Variants in DST observed in about 807,000 individuals in gnomAD.
DST encodes the protein dystonin, also known as bullous pemphigoid antigen.
In DST, 253 loss-of-function variants were observed where a neutral mutation model predicts 875.2. The ratio of observed to expected loss-of-function variants is 0.29; its 90% CI spans 0.26 to 0.32. The LOEUF (loss-of-function observed/expected upper bound fraction) is 0.32, where lower values mean the gene tolerates loss of function less well. Ranked by LOEUF, DST falls within the 10% of genes least tolerant of loss-of-function variation. The pLI, the probability that DST is intolerant of heterozygous loss-of-function variation, is 1.00. For synonymous variants in DST, 3,124 were observed against 3,197.1 expected (o/e 0.98, Z 0.77); for missense variants, 8,287 against 9,111.6 (o/e 0.91, Z 3.68).
chr6:56,610,668 C>G, intron 38 of DST, 106 bp from the exon 39 acceptor site: 1 of 876,884 alleles, frequency 1.1e-6, no homozygotes, highest in Non-Finnish European at 1.7e-6. Flanking sequence ...AAAATATAGC[C>G]TCACATACAT....
At chr6:56,825,969 A>G (rs1270973503) in intron 4 of DST, among the ~76,000 whole-genome samples, 1 of 152,266 alleles carries the variant, frequency 6.6e-6, no homozygotes, top group African/African-American at 2.4e-5. Context: ...GGCACTCAAT[A>G]ACACTATATA....
At chr6:56,577,239 A>G (rs1293098883) in intron 50 of DST, among the ~76,000 whole-genome samples, 1 of 152,202 alleles carries the variant, frequency 6.6e-6, no homozygotes, top group Admixed American at 6.5e-5. Context: ...ACAATAAGAA[A>G]AAAATGTCAA....
intron 4 of DST, among the ~76,000 whole-genome samples, chr6:56,768,154 C>T (rs2099639077): frequency 6.6e-6 from 1 of 152,010 alleles, no homozygotes; most frequent in Non-Finnish European, 1.5e-5. Context: ...CCATTGTGTA[C>T]CGAGAAAAAG....
intron 99 of DST, among the ~76,000 whole-genome samples, chr6:56,465,246 G>GA (rs1475574758): frequency 6.6e-6 from 1 of 152,170 alleles, no homozygotes; most frequent in Non-Finnish European, 1.5e-5. Context: ...CCTACAGGAG[G>GA]AAACCTGGGA....
intron 3 of DST, among the ~76,000 whole-genome samples, chr6:56,897,305 T>TGGG (rs145216598): frequency 1.5e-5 from 2 of 137,078 alleles, no homozygotes; most frequent in East Asian, 2.4e-4. Context: ...GGTTTTTTTT[T>TGGG]GGGGGGGGGG....
intron 27 of DST, 62 bp from the exon 28 acceptor site, chr6:56,633,099 C>T: frequency 2.2e-6 from 3 of 1,369,002 alleles, no homozygotes; most frequent in Non-Finnish European, 3.1e-6. Context: ...ATGGGAGACA[C>T]TTCAAACTGG....
At chr6:56,888,476 C>G (rs1408041491) in intron 3 of DST, among the ~76,000 whole-genome samples, 1 of 151,974 alleles carries the variant, frequency 6.6e-6, no homozygotes, top group African/African-American at 2.4e-5. Flanking sequence ...GTTAATTAGC[C>G]AAAGTAAGGT....
At chr6:56,672,348 C>T (rs1178682998) in intron 9 of DST, among the ~76,000 whole-genome samples, 6 of 152,198 alleles carry the variant, frequency 3.9e-5, no homozygotes, top group African/African-American at 1.4e-4. Flanking sequence ...AGACACTCTG[C>T]TTGACAAATG....
chr6:56,498,050 G>C lies in DST; in HGVS notation c.19900C>G (p.Leu6634Val). 1 of 1,610,168 alleles carries C rather than the reference G, an allele frequency of 6.2e-7. No homozygotes were observed. Among genetic ancestry groups the C allele is most frequent in the Non-Finnish European group, 8.5e-7 (1 of 1,178,008 alleles). The change falls in exon 81 of 104, where the codon CTC (leucine) becomes GTC (valine). Residue 6634 changes from leucine to valine, a missense_variant. By Grantham distance (32) the Leu-to-Val change is conservative (BLOSUM62 1). Around this residue, in one of 10 missense-constraint regions of DST, gnomAD observed 1,292 missense variants for 1,552.7 expected, o/e 0.83. Coordinates refer to ENST00000680361, the MANE Select transcript of DST (RefSeq NM_001374736.1). ...TGATGGGCTAATACATCATTTTGGAGCACCTGAAAATATAAAGATAACACC... is the reference window on the plus strand; with the variant it reads ...TGATGGGCTAATACATCATTTTGGACCACCTGAAAATATAAAGATAACACC... The part of the protein sequence containing the change: ...IEIELAKHHV[L>V]QNDVLAHQST...
intron 7 of DST, among the ~76,000 whole-genome samples, chr6:56,702,429 T>C (rs1012690015): frequency 1.3e-5 from 2 of 151,292 alleles, no homozygotes; most frequent in Admixed American, 6.6e-5. Context: ...GGCATATTAA[T>C]GAAAATGAGA....
intron 9 of DST, among the ~76,000 whole-genome samples, chr6:56,673,201 C>T (rs752187584): frequency 6.6e-6 from 1 of 152,018 alleles, no homozygotes; most frequent in Non-Finnish European, 1.5e-5. Flanking sequence ...GCCATGATCA[C>T]GCCACTGCGC....
At chr6:56,872,174 C>A (rs568870368) in intron 3 of DST, among the ~76,000 whole-genome samples, 23 of 152,222 alleles carry the variant, frequency 1.5e-4, no homozygotes, top group Middle Eastern at 3.4e-3. Flanking sequence ...AAATGTCCCA[C>A]TTACAGGAGA....
At chr6:56,899,629 T>C (rs1793084172) in intron 3 of DST, among the ~76,000 whole-genome samples, 1 of 152,246 alleles carries the variant, frequency 6.6e-6, no homozygotes, top group African/African-American at 2.4e-5. Flanking sequence ...CAGACACTTT[T>C]TTCTAATGCC....
At position 56,463,971 on chromosome 6, in the gene DST, C is replaced by T. The variant is rs73747832; in HGVS notation, c.22760-207G>A. 0.033 allele frequency: 22,560 copies of T among 678,592 alleles called. 491 individuals are homozygous for T. Among genetic ancestry groups the T allele is most frequent in the African/African-American group, 0.048 (2,734 of 56,726 alleles). The allele number at this position is 678,592 out of a possible 1,614,324, so 42.0% of individuals were successfully genotyped here. A position where few individuals can be genotyped will look rare whatever the true frequency, so the allele number is the denominator to read the frequency against. ...CATTCCTTTTGGATACAGGTGAGTT[C>T]GGGGAGGAAAAAATAAAGTGTGCTT... On this transcript the variant is annotated intron_variant, in intron 100 of 103. Transcript: ENST00000680361.
chr6:56,556,567 G>A (rs760332890), intron 59 of DST, among the ~76,000 whole-genome samples: 20 of 152,142 alleles, frequency 1.3e-4, no homozygotes, highest in Non-Finnish European at 2.6e-4. Context: ...TTTGGATTAT[G>A]AACAGATATG....
chr6:56,767,751 T>G (rs2099637696), intron 4 of DST, among the ~76,000 whole-genome samples: 1 of 151,848 alleles, frequency 6.6e-6, no homozygotes, highest in South Asian at 2.1e-4. Flanking sequence ...GAGGGACAAG[T>G]GAGAGGCAAG....
At chr6:56,734,917 C>A (rs1483884713) in intron 5 of DST, 2 of 240,068 alleles carry the variant, frequency 8.3e-6, no homozygotes, top group Non-Finnish European at 1.6e-5. Context: ...TGTAGCTTTT[C>A]CATGCACTAA....
At chr6:56,854,084 G>T (rs1174880474) in intron 3 of DST, among the ~76,000 whole-genome samples, 2 of 151,978 alleles carry the variant, frequency 1.3e-5, no homozygotes, top group East Asian at 1.9e-4. Context: ...ATAAAAGTAG[G>T]CCCATTTGAA....
intron 44 of DST, 92 bp downstream of exon 44, chr6:56,601,351 A>G (rs1294887092): frequency 1.3e-6 from 1 of 793,536 alleles, no homozygotes; most frequent in East Asian, 2.7e-5. Context: ...CCTTTCCAGA[A>G]AATCTTTCCT....
Sources: gnomAD v4.1 joint callset for allele counts (sites outside exome capture counted in the v4.1 genomes callset) on GRCh38, gnomAD v4.1.1 for gene constraint, gnomAD v4.1.1 regional missense constraint, MANE v1.5 for transcripts, NCBI Gene and HGNC (gene_info 2026-07-23, HGNC 2026-07-21) for gene names.